The following ADGRV1 variants were observed in gnomAD, a reference collection of about 807,000 sequenced individuals.
ADGRV1 encodes the protein adhesion G protein-coupled receptor V1, also known as G-protein coupled receptor 98.
In ADGRV1, 359 loss-of-function variants were observed where a neutral mutation model predicts 596.2. The observed-to-expected ratio is 0.60, with a 90% CI of 0.55 to 0.66. The LOEUF (loss-of-function observed/expected upper bound fraction) is 0.66, where lower values mean the gene tolerates loss of function less well. Ranked by LOEUF, ADGRV1 falls within the 30% of genes least tolerant of loss-of-function variation. ADGRV1 has a pLI of 0.00. For synonymous variants in ADGRV1, 2,681 were observed against 2,679.2 expected (o/e 1.00, Z -0.02); for missense variants, 7,274 against 7,575.6 (o/e 0.96, Z 1.48).
chr5:91,145,438 TGACA>T (rs1352258476), intron 87 of ADGRV1, among the ~76,000 whole-genome samples: 1 of 152,264 alleles, frequency 6.6e-6, no homozygotes, highest in Non-Finnish European at 1.5e-5. Flanking sequence ...TTTTTAAGGC[TGACA>T]GTTTTATTTT....
At chr5:91,098,355 C>T (rs1419757645) in intron 86 of ADGRV1, among the ~76,000 whole-genome samples, 1 of 151,874 alleles carries the variant, frequency 6.6e-6, no homozygotes, top group African/African-American at 2.4e-5. Flanking sequence ...TTAAAGGTGC[C>T]TCCTCAGAGG....
chr5:90,585,573 T>G (rs1378120172), intron 1 of ADGRV1, among the ~76,000 whole-genome samples: 4 of 152,160 alleles, frequency 2.6e-5, no homozygotes, highest in African/African-American at 9.7e-5. Context: ...GTAAAGACGT[T>G]AGCCTGAGGT....
intron 42 of ADGRV1, among the ~76,000 whole-genome samples, chr5:90,712,707 C>G (rs1218844916): frequency 6.6e-6 from 1 of 152,042 alleles, no homozygotes; most frequent in Admixed American, 6.5e-5. Context: ...TTGTAGATGT[C>G]TTTCCTTTGG....
chr5:90,670,954 C>T (rs147394444), intron 21 of ADGRV1, among the ~76,000 whole-genome samples: 5 of 152,304 alleles, frequency 3.3e-5, no homozygotes, highest in African/African-American at 9.6e-5. Context: ...CATCACACGG[C>T]CTCAAAGGGA....
At chr5:90,648,442 A>G (rs1768111434) in intron 17 of ADGRV1, among the ~76,000 whole-genome samples, 1 of 152,148 alleles carries the variant, frequency 6.6e-6, no homozygotes, top group Non-Finnish European at 1.5e-5. Flanking sequence ...AGGTAAAGAC[A>G]TGATGTCCTA....
Position 90,716,676 on chromosome 5 carries a change from G to T in ADGRV1, c.9394G>T (p.Asp3132Tyr), listed in dbSNP as rs755443090. The T allele has an allele frequency of 1.2e-6, 2 of 1,613,164 alleles. No homozygotes were observed. Among genetic ancestry groups the T allele is most frequent in the Non-Finnish European group, 1.7e-6 (2 of 1,179,176 alleles). Residue 3132 changes from aspartate (D) to tyrosine (Y), a missense_variant, in exon 43 of 90, where the codon GAT (aspartate) becomes TAT (tyrosine). Physicochemically the swap from Asp to Tyr is radical, Grantham distance 160 (BLOSUM62 -3). Transcript: ENST00000405460. Reference sequence around the variant, plus strand: ...AGTGAATTCCTCAAATGAATCTAAAGATCTGACTCCTTCCAAAGGCTATAT... The same window carrying T: ...AGTGAATTCCTCAAATGAATCTAAATATCTGACTCCTTCCAAAGGCTATAT... Reference protein sequence around the residue: ...TEVNSSNESKDLTPSKGYIVL... With the variant: ...TEVNSSNESKYLTPSKGYIVL...
chr5:90,873,369 T>TCA (rs1768892832), intron 83 of ADGRV1, among the ~76,000 whole-genome samples: 2 of 152,174 alleles, frequency 1.3e-5, no homozygotes, highest in Non-Finnish European at 2.9e-5. Flanking sequence ...AACTGAAACA[T>TCA]GTCAAATATC....
At chr5:90,929,007 G>C (rs558601026) in intron 83 of ADGRV1, among the ~76,000 whole-genome samples, 1 of 146,708 alleles carries the variant, frequency 6.8e-6, no homozygotes, top group Non-Finnish European at 1.5e-5. Flanking sequence ...CTCCAGCTGC[G>C]TGCTGGGAGA....
Position 90,680,367 on chromosome 5 carries a change from A to G in ADGRV1, c.5524+738A>G, listed in dbSNP as rs900250378. 5.3e-5 allele frequency among the ~76,000 whole-genome samples: 8 copies of G among 152,078 alleles called. No individual in the cohort carries two copies. In the South Asian group the frequency reaches 1.7e-3, roughly 31 times the overall value. The stretch of plus-strand genomic sequence containing the variant: ...AAGACTCTGTATCAAAGAAAAAAAA[A>G]AAAGAAAGAAACAAATGGGAAAAAT... On this transcript the variant is annotated intron_variant, in intron 26 of 89. Transcript: ENST00000405460.
At chr5:90,578,741 G>C (rs549802919) in intron 1 of ADGRV1, among the ~76,000 whole-genome samples, 81 of 152,156 alleles carry the variant, frequency 5.3e-4, no homozygotes, top group Non-Finnish European at 3.8e-4. Context: ...CCGTCTGGTC[G>C]TGGACTTTTT....
At chr5:90,583,893 G>T (rs1196858248) in intron 1 of ADGRV1, among the ~76,000 whole-genome samples, 1 of 152,132 alleles carries the variant, frequency 6.6e-6, no homozygotes, top group East Asian at 1.9e-4. Flanking sequence ...AGGTGCTATA[G>T]ATATAGTGAT....
In ADGRV1 at chr5:90,745,596, G is replaced by T; in HGVS notation, c.10775G>T (p.Gly3592Val). The T allele has an allele frequency of 6.2e-7, 1 of 1,606,250 alleles. No individual in the cohort carries two copies. The highest frequency in any genetic ancestry group is 1.3e-5 in the African/African-American group (1 of 74,824). ...SSHSDFIPSS[G>V]ELIFEPGERE... ...GTATATGCTTCTTATGGTAGTTCAG[G>T]TGAACTGATATTTGAACCTGGTGAG... is the stretch of plus-strand genomic sequence containing the variant. The change falls in exon 52 of 90, where the codon GGT becomes GTT. Residue 3592 changes from glycine (G) to valine (V), a missense_variant. By Grantham distance (109) the Gly-to-Val change is moderately radical. Coordinates refer to ENST00000405460, the MANE Select transcript of ADGRV1 (RefSeq NM_032119.4).
At chr5:90,935,855 G>A (rs1346034433) in intron 83 of ADGRV1, among the ~76,000 whole-genome samples, 1 of 152,176 alleles carries the variant, frequency 6.6e-6, no homozygotes, top group African/African-American at 2.4e-5. Flanking sequence ...ACACACACCT[G>A]TTGTCCCAGC....
At chr5:90,797,850 G>A (rs953198803) in intron 70 of ADGRV1, among the ~76,000 whole-genome samples, 1 of 152,018 alleles carries the variant, frequency 6.6e-6, no homozygotes, top group African/African-American at 2.4e-5. Flanking sequence ...ACAAAATGAA[G>A]GCAGAAATAA....
At chr5:90,927,894 G>A (rs377350592) in intron 83 of ADGRV1, among the ~76,000 whole-genome samples, 5 of 151,906 alleles carry the variant, frequency 3.3e-5, no homozygotes, top group East Asian at 1.9e-4. Flanking sequence ...CTTATGAAGC[G>A]TAGTTTGGCT....
rs1306008269 is a variant in ADGRV1 at position 90,658,284 on chromosome 5, T to C, written c.4752+6T>C. On this transcript the variant is annotated splice_donor_region_variant and intron_variant, in intron 21 of 89. Coordinates refer to ENST00000405460, the MANE Select transcript of ADGRV1 (RefSeq NM_032119.4). ...CAGGAGCTTGTATACCAGAGGTAAG[T>C]AGTGAGCTTGGAGAATTTTGGATTT... 1.4e-6 allele frequency: 2 copies of C among 1,480,886 alleles called. No homozygotes were observed. Among genetic ancestry groups the C allele is most frequent in the Middle Eastern group, 3.8e-4 (2 of 5,330 alleles). The allele number at this position is 1,480,886 out of a possible 1,614,324, so 91.7% of individuals were successfully genotyped here. A position where few individuals can be genotyped will look rare whatever the true frequency, so the allele number is the denominator to read the frequency against.
Position 90,728,656 on chromosome 5 carries a change from A to T in ADGRV1, c.10162-13A>T, listed in dbSNP as rs745793110. On this transcript the variant is annotated splice_polypyrimidine_tract_variant and intron_variant, in intron 48 of 89. Coordinates refer to ENST00000405460, the MANE Select transcript of ADGRV1 (RefSeq NM_032119.4). The stretch of plus-strand genomic sequence containing the variant: ...TAGTCATAAAGGGTTTTGTATTTCA[A>T]CATTTCCTTCAGGTCTTCAGGTGGA... 6.3e-7 allele frequency: 1 copy of T among 1,597,016 alleles called. No homozygotes were observed. Among genetic ancestry groups the T allele is most frequent in the Admixed American group, 1.7e-5 (1 of 57,900 alleles).
chr5:90,627,636 C>G lies in ADGRV1; in HGVS notation c.1098C>G (p.Thr366=). Residue 366 remains threonine, a synonymous_variant, in exon 7 of 90, where the codon ACC becomes ACG. Coordinates refer to ENST00000405460, the MANE Select transcript of ADGRV1 (RefSeq NM_032119.4). ...ESFHIMLLKD[T]LQGDAVLISP... is the part of the protein sequence containing the mutation. ...TTCACATTATGTTACTAAAAGATAC[C>G]TTACAGGGAGATGCTGTGCTAATAA... is the stretch of plus-strand genomic sequence containing the variant. 1.2e-6 allele frequency: 2 copies of G among 1,613,798 alleles called. No individual in the cohort carries two copies. The highest frequency in any genetic ancestry group is 1.7e-6 in the Non-Finnish European group (2 of 1,179,824).
chr5:90,595,233 C>G (rs1253736257), intron 1 of ADGRV1, among the ~76,000 whole-genome samples: 2 of 42,668 alleles, frequency 4.7e-5, no homozygotes, highest in Non-Finnish European at 1.1e-4. Flanking sequence ...ACCTCCTTCC[C>G]GGACGGGGCG....
Sources: allele counts gnomAD v4.1 joint callset (sites outside exome capture counted in the v4.1 genomes callset), GRCh38; gene constraint gnomAD v4.1.1; transcripts MANE v1.5; gene names NCBI Gene and HGNC (gene_info 2026-07-23, HGNC 2026-07-21).